OSBPL10: variants seen among roughly 807,000 people sequenced by gnomAD.
OSBPL10 encodes the protein oxysterol binding protein like 10.
Under a neutral mutation model 81.7 loss-of-function variants are expected in OSBPL10, and 49 were observed. The observed-to-expected ratio is 0.60, with a 90% confidence interval of 0.48 to 0.76. The LOEUF (loss-of-function observed/expected upper bound fraction) is 0.76. Among genes scored for constraint, OSBPL10 ranks in the 30% least tolerant of loss-of-function variants. OSBPL10 has a pLI of 0.00. For synonymous variants in OSBPL10, 419 were observed against 383.6 expected, an observed-to-expected ratio of 1.09 and a Z score of -1.08; for missense variants, 923 against 987.8, an observed-to-expected ratio of 0.93 and a Z score of 0.88.
chr3:32,058,570 G>A (rs546340161), intron 1 of OSBPL10, among the ~76,000 whole-genome samples: 144 of 152,074 alleles, frequency 9.5e-4, no homozygotes, highest in Non-Finnish European at 1.7e-3. Flanking sequence ...CAAGTGATCC[G>A]CCCACCTCGG....
intron 1 of OSBPL10, among the ~76,000 whole-genome samples, chr3:31,941,640 T>C (rs1294523086): frequency 1.3e-5 from 2 of 152,216 alleles, no homozygotes; most frequent in Admixed American, 6.5e-5. Flanking sequence ...CATTTTTAGA[T>C]GGATTGCTAA....
intron 1 of OSBPL10, 78 bp downstream of exon 1, chr3:31,980,821 A>ACACACATACACACACG: frequency 7.1e-7 from 1 of 1,404,588 alleles, no homozygotes; most frequent in East Asian, 3.0e-5. Flanking sequence ...ACATACACAG[A>ACACACATACACACACG]CACACATACA....
At position 31,986,653 on chromosome 3, in the gene OSBPL10, C is replaced by A. The variant is rs569407941; in HGVS notation, n.298+59838G>T. On this transcript the variant is annotated intron_variant and non_coding_transcript_variant, in intron 2 of 3. Transcript: ENST00000479173. ...ATATACAAATAAAATAGGCGCCTGG[C>A]CTATTTATTATTATTTTATTAAATA... 6.6e-4 allele frequency among the ~76,000 whole-genome samples: 100 copies of A among 151,994 alleles called. 1 individual carries two copies. Among genetic ancestry groups the A allele is most frequent in the South Asian group, 2.3e-3 (11 of 4,804 alleles).
At chr3:32,026,105 G>GATGATAGAT (rs1399253970) in intron 2 of OSBPL10, among the ~76,000 whole-genome samples, 20 of 138,970 alleles carry the variant, frequency 1.4e-4, no homozygotes, top group African/African-American at 5.3e-4. Context: ...TAGATAGATA[G>GATGATAGAT]AGATAGAGAT....
At chr3:31,786,809 G>A (rs541874447) in intron 4 of OSBPL10, among the ~76,000 whole-genome samples, 1 of 152,238 alleles carries the variant, frequency 6.6e-6, no homozygotes, top group South Asian at 2.1e-4. Context: ...AATACATCAT[G>A]GCACACTTCT....
intron 7 of OSBPL10, among the ~76,000 whole-genome samples, chr3:31,696,262 T>C (rs1695717826): frequency 6.6e-6 from 1 of 152,138 alleles, no homozygotes. Flanking sequence ...ACTCATCTGC[T>C]TCCTCTCTCC....
chr3:31,759,999 T>G (rs1481551010), intron 4 of OSBPL10, among the ~76,000 whole-genome samples: 2 of 152,186 alleles, frequency 1.3e-5, no homozygotes, highest in Non-Finnish European at 1.5e-5. Flanking sequence ...TGACCTCAAG[T>G]GCGCTGCCCA....
At chr3:31,895,031 GTC>G (rs1169378015) in intron 1 of OSBPL10, among the ~76,000 whole-genome samples, 1 of 152,060 alleles carries the variant, frequency 6.6e-6, no homozygotes, top group South Asian at 2.1e-4. Flanking sequence ...AGGAGCATGG[GTC>G]TCTGATTTCT....
In OSBPL10 at chr3:31,965,716, T is replaced by G. The variant is rs1456658506; in HGVS notation, c.281+15183A>C. On this transcript the variant is annotated intron_variant, in intron 1 of 11. Coordinates refer to ENST00000396556, the MANE Select transcript of OSBPL10 (RefSeq NM_017784.5). ...AATATATAATATATTATATAAAATA[T>G]ATAATATAATATATATTATCTATTT... Among the ~76,000 whole-genome samples the G allele has an allele frequency of 1.6e-4, 10 of 64,316 alleles. 2 individuals are homozygous for G. The highest frequency in any genetic ancestry group is 6.6e-4 in the African/African-American group (9 of 13,544). The allele number at this position is 64,316 out of a possible 152,430, so 42.2% of individuals were successfully genotyped here.
At chr3:31,827,057 G>A (rs1700118666) in intron 4 of OSBPL10, among the ~76,000 whole-genome samples, 1 of 152,116 alleles carries the variant, frequency 6.6e-6, no homozygotes, top group Non-Finnish European at 1.5e-5. Context: ...AAACCAAATG[G>A]CTATAGAGGC....
At chr3:31,768,156 G>A (rs1171057900) in intron 4 of OSBPL10, among the ~76,000 whole-genome samples, 3 of 152,180 alleles carry the variant, frequency 2.0e-5, no homozygotes, top group Non-Finnish European at 4.4e-5. Context: ...CATGGTATTT[G>A]TAAACTGTCA....
chr3:31,822,945 A>G (rs559485000), intron 4 of OSBPL10, among the ~76,000 whole-genome samples: 59 of 150,532 alleles, frequency 3.9e-4, no homozygotes, highest in African/African-American at 1.4e-3. Context: ...ATAGAAAAAA[A>G]AATACAATAC....
At chr3:31,921,807 A>C (rs1696924726) in intron 1 of OSBPL10, among the ~76,000 whole-genome samples, 1 of 152,206 alleles carries the variant, frequency 6.6e-6, no homozygotes, top group African/African-American at 2.4e-5. Flanking sequence ...ACAGGGGAAA[A>C]ACCTGAAATA....
chr3:31,776,522 A>G (rs750756086), intron 4 of OSBPL10, among the ~76,000 whole-genome samples: 41 of 152,232 alleles, frequency 2.7e-4, no homozygotes, highest in Non-Finnish European at 5.0e-4. Context: ...CAGCAGCACT[A>G]TTCACAATAG....
intron 4 of OSBPL10, among the ~76,000 whole-genome samples, chr3:31,763,735 AATT>A (rs1455316813): frequency 1.3e-5 from 2 of 152,178 alleles, no homozygotes; most frequent in Middle Eastern, 3.2e-3. Context: ...CACTAGTGCC[AATT>A]ATTTTCAGGA....
At chr3:31,779,285 A>G (rs1044569453) in intron 4 of OSBPL10, among the ~76,000 whole-genome samples, 1 of 152,210 alleles carries the variant, frequency 6.6e-6, no homozygotes, top group African/African-American at 2.4e-5. Context: ...AGAATGGATA[A>G]AAATCCACCA....
intron 4 of OSBPL10, among the ~76,000 whole-genome samples, chr3:31,766,113 C>G (rs1438488814): frequency 1.3e-5 from 2 of 152,068 alleles, no homozygotes; most frequent in African/African-American, 4.8e-5. Context: ...CCAAATCTAC[C>G]CAATCCTCTA....
At chr3:31,724,814 T>C (rs943152881) in intron 6 of OSBPL10, among the ~76,000 whole-genome samples, 2 of 152,116 alleles carry the variant, frequency 1.3e-5, no homozygotes, top group South Asian at 2.1e-4. Flanking sequence ...GTTGCTAAGA[T>C]TGAGAAGGAA....
intron 4 of OSBPL10, among the ~76,000 whole-genome samples, chr3:31,772,641 G>C (rs1443711794): frequency 2.0e-5 from 3 of 152,072 alleles, no homozygotes; most frequent in African/African-American, 4.8e-5. Context: ...CTATCCTCTG[G>C]TCATCTCCGC....
Sources: allele counts gnomAD v4.1 joint callset (sites outside exome capture counted in the v4.1 genomes callset), GRCh38; gene constraint gnomAD v4.1.1; transcripts MANE v1.5; gene names NCBI Gene and HGNC (gene_info 2026-07-23, HGNC 2026-07-21).